The following NCOA3 variants were observed in gnomAD, a reference collection of about 807,000 sequenced individuals.
NCOA3 encodes CBP-interacting protein.
In NCOA3, 51 loss-of-function variants were observed where a neutral mutation model predicts 158.8. The observed-to-expected ratio is 0.32, with a 90% CI of 0.26 to 0.41. NCOA3 has a LOEUF of 0.41. NCOA3 is among the 10% of genes least tolerant of loss of function. NCOA3 has a pLI of 1.00. For missense variants in NCOA3, 1,510 were observed against 1,746.6 expected (o/e 0.86, Z 2.41); for synonymous variants, 537 against 592.4 (o/e 0.91, Z 1.36).
chr20:47,598,636 T>C (rs1301042919), intron 2 of NCOA3, among the ~76,000 whole-genome samples: 1 of 152,210 alleles, frequency 6.6e-6, no homozygotes, highest in East Asian at 1.9e-4. Context: ...CACACCTGGC[T>C]GAAACCTATT....
chr20:47,546,527 GTTT>G (rs35925841), intron 1 of NCOA3, among the ~76,000 whole-genome samples: 11 of 120,266 alleles, frequency 9.1e-5, no homozygotes, highest in Admixed American at 2.6e-4. Flanking sequence ...ACTTGCCTCT[GTTT>G]TTTTTTTTTT....
At chr20:47,586,166 G>A (rs72645208) in intron 2 of NCOA3, among the ~76,000 whole-genome samples, 1 of 152,068 alleles carries the variant, frequency 6.6e-6, no homozygotes, top group Non-Finnish European at 1.5e-5. Context: ...TGATCTACCT[G>A]CCTCGGCCTC....
At chr20:47,522,423 T>TG (rs1371252391) in intron 1 of NCOA3, among the ~76,000 whole-genome samples, 21 of 143,216 alleles carry the variant, frequency 1.5e-4, no homozygotes, top group East Asian at 1.0e-3. Context: ...TTTTTTTTTT[T>TG]TGTGGTTTTA....
At chr20:47,525,562 G>T (rs1162891868) in intron 1 of NCOA3, among the ~76,000 whole-genome samples, 1 of 143,294 alleles carries the variant, frequency 7.0e-6, no homozygotes, top group African/African-American at 2.6e-5. Context: ...CGGACGGGGG[G>T]CTGACCCCCC....
At chr20:47,526,455 C>T (rs1329249522) in intron 1 of NCOA3, among the ~76,000 whole-genome samples, 1 of 152,214 alleles carries the variant, frequency 6.6e-6, no homozygotes, top group East Asian at 1.9e-4. Flanking sequence ...CGCCACTGCA[C>T]TCCAGCCTGG....
intron 1 of NCOA3, among the ~76,000 whole-genome samples, chr20:47,505,247 G>A (rs1417630422): frequency 1.3e-5 from 2 of 151,236 alleles, no homozygotes; most frequent in Non-Finnish European, 2.9e-5. Flanking sequence ...TTTTAGTAGA[G>A]ACAAAGTTTA....
chr20:47,624,235 A>G (rs898302736), intron 4 of NCOA3, 152 bp downstream of exon 4: 13 of 598,134 alleles, frequency 2.2e-5, no homozygotes, highest in Non-Finnish European at 3.8e-5. Context: ...GGTGCATTTT[A>G]TTTCTATTAT....
chr20:47,530,105 A>G (rs143211963), intron 1 of NCOA3, among the ~76,000 whole-genome samples: 7 of 152,356 alleles, frequency 4.6e-5, no homozygotes, highest in East Asian at 1.9e-4. Flanking sequence ...AGCAGTGCAT[A>G]TATTTTCACA....
intron 2 of NCOA3, among the ~76,000 whole-genome samples, chr20:47,600,277 C>A (rs956556949): frequency 8.6e-5 from 13 of 151,820 alleles, no homozygotes; most frequent in Non-Finnish European, 1.9e-4. Flanking sequence ...CGGGTTCACG[C>A]CATTCTCCTG....
intron 2 of NCOA3, among the ~76,000 whole-genome samples, chr20:47,605,865 C>T (rs1391944551): frequency 6.6e-6 from 1 of 152,184 alleles, no homozygotes; most frequent in Non-Finnish European, 1.5e-5. Flanking sequence ...CAGCATTTCT[C>T]TGTTATCCTT....
intron 1 of NCOA3, among the ~76,000 whole-genome samples, chr20:47,563,021 C>T (rs570158965): frequency 1.1e-3 from 174 of 152,214 alleles, no homozygotes; most frequent in Non-Finnish European, 2.2e-3. Flanking sequence ...GCTAGGATTA[C>T]AGGCGTGAGC....
chr20:47,633,862 G>C (rs2086462262), intron 9 of NCOA3, among the ~76,000 whole-genome samples, 186 bp from the exon 10 acceptor site: 1 of 152,282 alleles, frequency 6.6e-6, no homozygotes, highest in South Asian at 2.1e-4. Flanking sequence ...TTGCTCTCTT[G>C]TTGGTGAGGG....
chr20:47,620,021 C>T (rs1369233791), intron 2 of NCOA3, among the ~76,000 whole-genome samples: 3 of 152,148 alleles, frequency 2.0e-5, no homozygotes, highest in African/African-American at 2.4e-5. Context: ...GTCTCGATCT[C>T]CTGACCTTGT....
In NCOA3 at chr20:47,513,721, C is replaced by CA. The variant is rs140204780; in HGVS notation, c.-99+11728dup. On this transcript the variant is annotated intron_variant, in intron 1 of 22. Coordinates refer to ENST00000371998, the MANE Select transcript of NCOA3 (RefSeq NM_181659.3). ...AGCCCGATGGAGCAAGACTCTGTCT[C>CA]AAAAAAAAAAAAAAAAAAAAAAAAA... is the stretch of plus-strand genomic sequence containing the variant. Among the ~76,000 whole-genome samples, 317 of 82,668 alleles carry CA rather than the reference C, an allele frequency of 3.8e-3. 7 individuals are homozygous for CA. The highest frequency in any genetic ancestry group is 0.013 in the African/African-American group (300 of 23,010). 54.2% of individuals were successfully genotyped at this position (82,668 alleles called of 152,430 possible).
intron 1 of NCOA3, among the ~76,000 whole-genome samples, chr20:47,538,421 C>T (rs1190791824): frequency 6.6e-6 from 1 of 152,140 alleles, no homozygotes; most frequent in African/African-American, 2.4e-5. Flanking sequence ...ATGTTCCAGT[C>T]TGTAACTGCA....
At chr20:47,533,626 G>A (rs1017376341) in intron 1 of NCOA3, among the ~76,000 whole-genome samples, 5 of 152,142 alleles carry the variant, frequency 3.3e-5, no homozygotes, top group Non-Finnish European at 7.4e-5. Context: ...AAGAGTGCAA[G>A]GGTAGAAGCA....
intron 2 of NCOA3, among the ~76,000 whole-genome samples, chr20:47,599,252 A>G (rs2085817158): frequency 6.6e-6 from 1 of 152,226 alleles, no homozygotes; most frequent in South Asian, 2.1e-4. Flanking sequence ...AGCCAGTCAC[A>G]AAGAACTAGA....
At chr20:47,566,567 A>G (rs572672854) in intron 1 of NCOA3, among the ~76,000 whole-genome samples, 8 of 152,052 alleles carry the variant, frequency 5.3e-5, no homozygotes, top group Non-Finnish European at 5.9e-5. Flanking sequence ...GCTGGAGTGC[A>G]GTGGTGCCAT....
intron 1 of NCOA3, among the ~76,000 whole-genome samples, chr20:47,547,077 C>CT: frequency 6.6e-6 from 1 of 152,294 alleles, no homozygotes; most frequent in Middle Eastern, 3.4e-3. Flanking sequence ...CACTAATGCT[C>CT]TAATATATTA....
Sources: allele counts gnomAD v4.1 joint callset (sites outside exome capture counted in the v4.1 genomes callset), GRCh38; gene constraint gnomAD v4.1.1; transcripts MANE v1.5; gene names NCBI Gene and HGNC (gene_info 2026-07-23, HGNC 2026-07-21).